MICAL3: variants seen among roughly 807,000 people sequenced by gnomAD.
MICAL3 encodes the protein microtubule associated monooxygenase, calponin and LIM domain containing 3.
In MICAL3, 62 loss-of-function variants were observed where a neutral mutation model predicts 207.4. The ratio of observed to expected loss-of-function variants is 0.30; its 90% CI spans 0.24 to 0.37. The LOEUF is 0.37. Ranked by LOEUF, MICAL3 falls within the 10% of genes least tolerant of loss-of-function variation. The pLI is 1.00. For synonymous variants in MICAL3, 1,077 were observed against 1,069.3 expected (o/e 1.01, Z -0.14); for missense variants, 2,368 against 2,635.6 (o/e 0.90, Z 2.22).
intron 17 of MICAL3, among the ~76,000 whole-genome samples, chr22:17,870,741 C>T (rs1282743551): frequency 1.3e-5 from 2 of 152,150 alleles, no homozygotes; most frequent in Non-Finnish European, 2.9e-5. Context: ...AAACAATCTG[C>T]CTGCCTTATC....
At chr22:17,873,633 G>A (rs1221958707) in intron 16 of MICAL3, among the ~76,000 whole-genome samples, 1 of 152,210 alleles carries the variant, frequency 6.6e-6, no homozygotes, top group East Asian at 1.9e-4. Flanking sequence ...TGTGTTCTAG[G>A]CCAGGAGGGC....
intron 1 of MICAL3, among the ~76,000 whole-genome samples, chr22:17,911,544 G>A (rs1398984432): frequency 1.3e-5 from 2 of 152,118 alleles, no homozygotes; most frequent in Admixed American, 6.5e-5. Context: ...CTTGAAAGCG[G>A]GTGGAAGGCC....
chr22:17,866,272 G>C (rs1927099225), intron 17 of MICAL3, among the ~76,000 whole-genome samples: 1 of 152,242 alleles, frequency 6.6e-6, no homozygotes, highest in Non-Finnish European at 1.5e-5. Context: ...CACCCAATCA[G>C]TGCCCAGAGC....
In MICAL3 at chr22:17,889,850, T is replaced by C. The variant is rs542696273; in HGVS notation, c.1695-620A>G. 1.3e-3 allele frequency among the ~76,000 whole-genome samples: 199 copies of C among 152,284 alleles called. 2 individuals carry two copies. The highest frequency in any genetic ancestry group is 4.5e-3 in the African/African-American group (187 of 41,548). On this transcript the variant is annotated intron_variant, in intron 12 of 31. Coordinates refer to ENST00000441493, the MANE Select transcript of MICAL3 (RefSeq NM_015241.3). ...TAATAGGAACTATCTTTAATATATC[T>C]TGATCCTTGTGTATGGCCCATCCAC...
chr22:17,871,033 A>G (rs1236775585), intron 17 of MICAL3, among the ~76,000 whole-genome samples: 2 of 152,166 alleles, frequency 1.3e-5, no homozygotes, highest in Non-Finnish European at 2.9e-5. Context: ...CACCTTATAA[A>G]GATTACTGCC....
chr22:17,940,215 G>A (rs1933744240), intron 1 of MICAL3, among the ~76,000 whole-genome samples: 1 of 152,208 alleles, frequency 6.6e-6, no homozygotes, highest in Non-Finnish European at 1.5e-5. Flanking sequence ...GACTTCTTAT[G>A]GTGAAAAGTA....
At chr22:17,824,618 C>T (rs1040323533) in intron 22 of MICAL3, among the ~76,000 whole-genome samples, 1 of 152,184 alleles carries the variant, frequency 6.6e-6, no homozygotes, top group South Asian at 2.1e-4. Flanking sequence ...GAACAGACGG[C>T]CCACGTCACA....
At chr22:17,909,703 C>G (rs1262649543) in intron 1 of MICAL3, among the ~76,000 whole-genome samples, 4 of 152,118 alleles carry the variant, frequency 2.6e-5, no homozygotes, top group African/African-American at 7.2e-5. Flanking sequence ...CTAAAAAGGG[C>G]CCATTATTTA....
chr22:18,014,862 G>T (rs371763503), intron 1 of MICAL3, among the ~76,000 whole-genome samples: 1 of 151,878 alleles, frequency 6.6e-6, no homozygotes, highest in African/African-American at 2.4e-5. Flanking sequence ...GCGTGGTGGC[G>T]GGTGCCTGTA....
intron 7 of MICAL3, among the ~76,000 whole-genome samples, chr22:17,899,086 T>G (rs1445556492): frequency 6.6e-6 from 1 of 152,210 alleles, no homozygotes; most frequent in Non-Finnish European, 1.5e-5. Context: ...TCACCTAAAA[T>G]TAAACTGAGT....
chr22:17,865,388 A>G (rs1414839443), intron 18 of MICAL3, among the ~76,000 whole-genome samples: 1 of 152,220 alleles, frequency 6.6e-6, no homozygotes, highest in Middle Eastern at 3.2e-3. Context: ...CACCGCGACA[A>G]AGACAGGTGG....
At chr22:17,909,504 GAC>G (rs1931975064) in intron 1 of MICAL3, among the ~76,000 whole-genome samples, 1 of 152,200 alleles carries the variant, frequency 6.6e-6, no homozygotes, top group African/African-American at 2.4e-5. Flanking sequence ...CAGCCTCAGC[GAC>G]AGAGTGAGAC....
At position 17,880,182 on chromosome 22, in the gene MICAL3, G is replaced by A. The variant is rs1459582091; in HGVS notation, c.2241+5696C>T. On this transcript the variant is annotated intron_variant, in intron 16 of 31. Coordinates refer to ENST00000441493, the MANE Select transcript of MICAL3 (RefSeq NM_015241.3). Reference sequence around the variant, plus strand: ...CAGAGGGAGGCCAGAGCGTAGCCCCGGTCCCACAAGCCAGATTCGAGTCTG... The same window carrying A: ...CAGAGGGAGGCCAGAGCGTAGCCCCAGTCCCACAAGCCAGATTCGAGTCTG... Among the ~76,000 whole-genome samples the A allele has an allele frequency of 3.9e-5, 6 of 152,274 alleles. No homozygotes were observed. The East Asian group carries it at 9.7e-4, about 25-fold the overall frequency.
intron 1 of MICAL3, among the ~76,000 whole-genome samples, chr22:17,925,085 C>T (rs1006693040): frequency 2.0e-5 from 3 of 152,206 alleles, no homozygotes; most frequent in African/African-American, 7.2e-5. Flanking sequence ...GAGAGCTACC[C>T]TCTGGCCAGA....
chr22:17,849,484 G>A (rs941665304), intron 19 of MICAL3, among the ~76,000 whole-genome samples: 3 of 151,986 alleles, frequency 2.0e-5, no homozygotes, highest in Admixed American at 6.6e-5. Context: ...ACAGGTGTGC[G>A]CCATCACGCC....
At chr22:17,822,524 C>T (rs538479482) in intron 23 of MICAL3, among the ~76,000 whole-genome samples, 1 of 152,354 alleles carries the variant, frequency 6.6e-6, no homozygotes, top group South Asian at 2.1e-4. Context: ...ACCTCCTCCT[C>T]TCAGTAGCCC....
chr22:17,999,339 C>T (rs1196038616), intron 1 of MICAL3, among the ~76,000 whole-genome samples: 1 of 152,120 alleles, frequency 6.6e-6, no homozygotes. Flanking sequence ...CTTCTAGGAC[C>T]AAGACGTGAG....
intron 19 of MICAL3, among the ~76,000 whole-genome samples, chr22:17,843,878 G>A (rs1015605370): frequency 3.3e-5 from 5 of 150,954 alleles, no homozygotes; most frequent in South Asian, 2.1e-4. Flanking sequence ...ACGGAGTCTC[G>A]CTCTGTCGCC....
intron 20 of MICAL3, chr22:17,834,366 C>A: frequency 8.1e-7 from 1 of 1,240,590 alleles, no homozygotes. Flanking sequence ...CAATTATCTT[C>A]CCCTCACAAC....
Sources: allele counts gnomAD v4.1 joint callset (sites outside exome capture counted in the v4.1 genomes callset), GRCh38; gene constraint gnomAD v4.1.1; transcripts MANE v1.5; gene names NCBI Gene and HGNC (gene_info 2026-07-23, HGNC 2026-07-21).